The following ROBO1 variants were observed in gnomAD, a reference collection of about 807,000 sequenced individuals.
The protein encoded by ROBO1 is roundabout homolog 1.
Under a neutral mutation model 195.9 loss-of-function variants are expected in ROBO1, and 149 were observed. That is an observed-to-expected ratio of 0.76 (90% CI 0.67 to 0.87). The LOEUF (loss-of-function observed/expected upper bound fraction) is 0.87. ROBO1 is among the 40% of genes least tolerant of loss of function. The pLI is 0.00. For missense variants in ROBO1, 1,933 were observed against 2,068.3 expected, an observed-to-expected ratio of 0.93 and a Z score of 1.27; for synonymous variants, 816 against 733.2, an observed-to-expected ratio of 1.11 and a Z score of -1.82.
chr3:78,865,458 T>C (rs914619483), intron 4 of ROBO1, among the ~76,000 whole-genome samples: 1 of 151,188 alleles, frequency 6.6e-6, no homozygotes, highest in Non-Finnish European at 1.5e-5. Flanking sequence ...AAAAACTTCA[T>C]GGCTTGATGA....
intron 1 of ROBO1, among the ~76,000 whole-genome samples, chr3:79,711,937 G>A (rs1316436765): frequency 6.7e-6 from 1 of 149,122 alleles, no homozygotes; most frequent in Non-Finnish European, 1.5e-5. Context: ...GTGGGTGGGG[G>A]AGCACTATGA....
intron 1 of ROBO1, among the ~76,000 whole-genome samples, chr3:79,666,760 CT>C (rs1946487617): frequency 6.6e-6 from 1 of 151,896 alleles, no homozygotes; most frequent in Admixed American, 6.6e-5. Context: ...TTGGGTATGT[CT>C]TTATCAGCAG....
chr3:79,441,069 C>T (rs1353906601), intron 2 of ROBO1, among the ~76,000 whole-genome samples: 1 of 152,030 alleles, frequency 6.6e-6, no homozygotes, highest in Non-Finnish European at 1.5e-5. Flanking sequence ...ATCCAAAAAA[C>T]ATATATGCTA....
intron 2 of ROBO1, among the ~76,000 whole-genome samples, chr3:79,483,650 C>A (rs1425463347): frequency 6.6e-6 from 1 of 152,034 alleles, no homozygotes; most frequent in Non-Finnish European, 1.5e-5. Flanking sequence ...AGAATTGTAA[C>A]AAAATGGTAA....
chr3:78,800,470 G>GGAT (rs1348640576), intron 4 of ROBO1, among the ~76,000 whole-genome samples: 1 of 152,136 alleles, frequency 6.6e-6, no homozygotes, highest in Non-Finnish European at 1.5e-5. Flanking sequence ...TGTCAGAATA[G>GGAT]GATGACTTAC....
intron 10 of ROBO1, among the ~76,000 whole-genome samples, chr3:78,684,913 T>C (rs940162413): frequency 2.0e-5 from 3 of 152,156 alleles, no homozygotes; most frequent in African/African-American, 7.2e-5. Context: ...AGACAGGTTG[T>C]TTCTTTCTTT....
At chr3:79,470,467 A>C (rs1175738865) in intron 2 of ROBO1, among the ~76,000 whole-genome samples, 1 of 152,150 alleles carries the variant, frequency 6.6e-6, no homozygotes, top group East Asian at 1.9e-4. Context: ...GTAAATGACG[A>C]GTTAATGGGT....
At chr3:79,074,476 A>G (rs2079138237) in intron 3 of ROBO1, among the ~76,000 whole-genome samples, 1 of 151,766 alleles carries the variant, frequency 6.6e-6, no homozygotes, top group Non-Finnish European at 1.5e-5. Context: ...CTTGGAGTTC[A>G]ATGGTGATCA....
chr3:79,124,147 T>C (rs534070747), intron 3 of ROBO1, among the ~76,000 whole-genome samples: 2 of 152,216 alleles, frequency 1.3e-5, no homozygotes, highest in South Asian at 2.1e-4. Flanking sequence ...AGGGATAACA[T>C]TTACAACTTT....
chr3:79,178,768 G>A (rs2081295997), intron 2 of ROBO1, among the ~76,000 whole-genome samples: 1 of 152,124 alleles, frequency 6.6e-6, no homozygotes, highest in African/African-American at 2.4e-5. Context: ...CAGATGCTGG[G>A]GGATTAATGC....
intron 26 of ROBO1, among the ~76,000 whole-genome samples, chr3:78,626,443 A>G (rs998379970): frequency 3.3e-5 from 5 of 152,244 alleles, no homozygotes; most frequent in African/African-American, 1.2e-4. Context: ...TCTACAGAGT[A>G]AAATTCAAGC....
intron 2 of ROBO1, among the ~76,000 whole-genome samples, chr3:79,318,195 C>A (rs1231243282): frequency 6.6e-6 from 1 of 152,168 alleles, no homozygotes; most frequent in Non-Finnish European, 1.5e-5. Context: ...ATGATTTAAA[C>A]ATTAATCTCA....
chr3:79,390,178 C>A (rs2036895445), intron 2 of ROBO1, among the ~76,000 whole-genome samples: 1 of 151,772 alleles, frequency 6.6e-6, no homozygotes, highest in Non-Finnish European at 1.5e-5. Flanking sequence ...AGGGGAGGAC[C>A]AGACTGAGAA....
At chr3:79,350,642 A>G (rs1327021621) in intron 2 of ROBO1, among the ~76,000 whole-genome samples, 7 of 152,198 alleles carry the variant, frequency 4.6e-5, no homozygotes, top group Admixed American at 4.6e-4. Flanking sequence ...ATGCTACAAC[A>G]TGTATGAACC....
intron 2 of ROBO1, among the ~76,000 whole-genome samples, chr3:79,134,895 G>A (rs1419467136): frequency 7.6e-5 from 9 of 117,896 alleles, no homozygotes; most frequent in East Asian, 5.5e-4. Flanking sequence ...TGGTGGGGTC[G>A]GGGGAGGGGG....
intron 2 of ROBO1, among the ~76,000 whole-genome samples, chr3:79,251,928 G>A (rs2082737015): frequency 6.6e-6 from 1 of 151,778 alleles, no homozygotes; most frequent in African/African-American, 2.4e-5. Flanking sequence ...CTAGCCTGGG[G>A]AAGAGAGCAA....
intron 4 of ROBO1, among the ~76,000 whole-genome samples, chr3:78,792,420 C>G (rs2084048393): frequency 6.6e-6 from 1 of 152,156 alleles, no homozygotes; most frequent in South Asian, 2.1e-4. Flanking sequence ...AGATAGTGAG[C>G]TGCTGAAGTA....
At chr3:79,324,391 G>A (rs2034117410) in intron 2 of ROBO1, among the ~76,000 whole-genome samples, 1 of 152,110 alleles carries the variant, frequency 6.6e-6, no homozygotes, top group South Asian at 2.1e-4. Context: ...TACAGAAATG[G>A]AATCATCAAT....
intron 1 of ROBO1, among the ~76,000 whole-genome samples, chr3:79,724,642 T>C (rs1702839359): frequency 6.6e-6 from 1 of 152,202 alleles, no homozygotes; most frequent in African/African-American, 2.4e-5. Context: ...CTCAGTCTAG[T>C]ATACTTGCCA....
Sources: gnomAD v4.1 joint callset for allele counts (sites outside exome capture counted in the v4.1 genomes callset) on GRCh38, gnomAD v4.1.1 for gene constraint, MANE v1.5 for transcripts, NCBI Gene and HGNC (gene_info 2026-07-23, HGNC 2026-07-21) for gene names.